The following BCAR3 variants were observed in gnomAD, a reference collection of about 807,000 sequenced individuals.
BCAR3 encodes BCAR3 adaptor protein, NSP family member, also known as breast cancer anti-estrogen resistance protein 3.
Under a neutral mutation model 80.1 loss-of-function variants are expected in BCAR3, and 37 were observed. The observed-to-expected ratio is 0.46, with a 90% CI of 0.36 to 0.61. BCAR3 has a LOEUF of 0.61. Ranked by LOEUF, BCAR3 falls within the 20% of genes least tolerant of loss-of-function variation. The pLI is 0.00. For missense variants in BCAR3, 978 were observed against 1,068.2 expected (o/e 0.92, Z 1.18); for synonymous variants, 389 against 418.9 (o/e 0.93, Z 0.87).
intron 3 of BCAR3, among the ~76,000 whole-genome samples, chr1:93,611,894 G>C (rs1557859863): frequency 6.6e-6 from 1 of 152,120 alleles, no homozygotes; most frequent in African/African-American, 2.4e-5. Flanking sequence ...TGTTATTTTT[G>C]GTATGAGAAA....
At chr1:93,703,557 C>T (rs1157741785) in intron 3 of BCAR3, among the ~76,000 whole-genome samples, 1 of 123,604 alleles carries the variant, frequency 8.1e-6, no homozygotes, top group African/African-American at 2.9e-5. Context: ...AGAGCAAAAC[C>T]CTGTCTCTTA....
intron 3 of BCAR3, among the ~76,000 whole-genome samples, chr1:93,704,397 G>C (rs1277672378): frequency 6.6e-6 from 1 of 152,202 alleles, no homozygotes; most frequent in East Asian, 1.9e-4. Context: ...GATGGCTGTT[G>C]GGTGCTCATT....
At chr1:93,725,242 A>T (rs1177982990) in intron 2 of BCAR3, among the ~76,000 whole-genome samples, 1 of 152,196 alleles carries the variant, frequency 6.6e-6, no homozygotes, top group East Asian at 1.9e-4. Flanking sequence ...GGCACTCAAA[A>T]ATATATACTG....
intron 2 of BCAR3, among the ~76,000 whole-genome samples, chr1:93,656,839 A>C (rs1380330055): frequency 6.6e-6 from 1 of 152,166 alleles, no homozygotes; most frequent in African/African-American, 2.4e-5. Context: ...TCAAAGTGGT[A>C]GGATTACAGA....
Position 93,674,863 on chromosome 1 carries a change from G to A in BCAR3, c.68C>T (p.Ser23Leu), listed in dbSNP as rs1648398605. 5 of 1,585,624 alleles carry A rather than the reference G, an allele frequency of 3.2e-6. No individual in the cohort carries two copies. Among genetic ancestry groups the A allele is most frequent in the Non-Finnish European group, 3.4e-6 (4 of 1,170,756 alleles). ...MPVNHQFPLA[S>L]SMDLLSSRSP... Reference sequence around the variant, plus strand: ...CCTGCTGCTCAGAAGGTCCATGGATGAGGCCAGGGGGAACTGGTGATTCAC... The same window carrying A: ...CCTGCTGCTCAGAAGGTCCATGGATAAGGCCAGGGGGAACTGGTGATTCAC... Residue 23 changes from serine to leucine, a missense_variant, in exon 2 of 12, where the codon TCA becomes TTA. Transcript: ENST00000260502.
intron 2 of BCAR3, among the ~76,000 whole-genome samples, chr1:93,731,337 A>G (rs1428125883): frequency 1.3e-5 from 2 of 152,254 alleles, no homozygotes; most frequent in Non-Finnish European, 2.9e-5. Context: ...TGGGAATATA[A>G]CAGGTTAACA....
Position 93,772,646 on chromosome 1 carries a change from C to A in BCAR3, c.-62-66504G>T, listed in dbSNP as rs1390851801. On this transcript the variant is annotated intron_variant, in intron 2 of 13. Coordinates refer to the BCAR3 transcript ENST00000370244. ...TTGAGATGGAATCTCACTCTGTCCCCAAGGCTGGAGTGCAGTGGCGTGATC... is the reference window on the plus strand; with the variant it reads ...TTGAGATGGAATCTCACTCTGTCCCAAAGGCTGGAGTGCAGTGGCGTGATC... Among the ~76,000 whole-genome samples the A allele has an allele frequency of 2.6e-5, 4 of 152,040 alleles. No individual in the cohort carries two copies. The East Asian group carries it at 7.7e-4, about 29-fold the overall frequency.
chr1:93,846,216 G>C (rs1655170839), intron 1 of BCAR3, among the ~76,000 whole-genome samples: 1 of 152,132 alleles, frequency 6.6e-6, no homozygotes. Context: ...TTTGAACTCT[G>C]CCAGAGACTA....
chr1:93,689,479 C>T (rs12057736), intron 3 of BCAR3, among the ~76,000 whole-genome samples: 45,717 of 150,204 alleles, frequency 0.3, 10,659 homozygotes, highest in African/African-American at 0.67. Context: ...AGCAGTGAGC[C>T]GAGATCGCAC....
intron 2 of BCAR3, among the ~76,000 whole-genome samples, chr1:93,761,879 C>T (rs1212927335): frequency 6.6e-6 from 1 of 152,166 alleles, no homozygotes; most frequent in Admixed American, 6.5e-5. Context: ...TTCCTGTCCC[C>T]TTCCGGTTTT....
At chr1:93,682,125 C>T (rs979017496), upstream of BCAR3, among the ~76,000 whole-genome samples, 1 of 152,234 alleles carries the variant, frequency 6.6e-6, no homozygotes, top group African/African-American at 2.4e-5. Context: ...CCCAACAGAT[C>T]TGCTTTGCTC....
chr1:93,712,727 C>G (rs1486207578), intron 2 of BCAR3, among the ~76,000 whole-genome samples: 1 of 152,194 alleles, frequency 6.6e-6, no homozygotes, highest in Admixed American at 6.5e-5. Flanking sequence ...GGCATAGGAA[C>G]CATTATCACC....
chr1:93,698,151 T>C (rs955825918), intron 3 of BCAR3, among the ~76,000 whole-genome samples: 1 of 152,204 alleles, frequency 6.6e-6, no homozygotes, highest in Non-Finnish European at 1.5e-5. Context: ...TGGCCAGTCC[T>C]GACCACTGAA....
At chr1:93,641,884 T>C (rs1675990115) in intron 3 of BCAR3, among the ~76,000 whole-genome samples, 1 of 152,218 alleles carries the variant, frequency 6.6e-6, no homozygotes. Flanking sequence ...ACTCATTTGG[T>C]GGCAAAATGT....
At chr1:93,797,213 G>C (rs952965240) in intron 2 of BCAR3, among the ~76,000 whole-genome samples, 8 of 152,174 alleles carry the variant, frequency 5.3e-5, no homozygotes, top group African/African-American at 1.9e-4. Context: ...TCGTTAGCCA[G>C]GCAGTTTGAT....
intron 3 of BCAR3, among the ~76,000 whole-genome samples, chr1:93,598,175 A>G (rs1272340333): frequency 6.6e-6 from 1 of 152,152 alleles, no homozygotes; most frequent in Non-Finnish European, 1.5e-5. Context: ...CTCCTGCGTG[A>G]GCATCAGAGC....
upstream of BCAR3, chr1:93,847,875 G>A: frequency 4.8e-6 from 1 of 209,582 alleles, no homozygotes; most frequent in Non-Finnish European, 9.5e-6. Context: ...CGACTGGGCA[G>A]TCGATGTAGG....
At chr1:93,841,953 C>T (rs1654977470) in intron 2 of BCAR3, among the ~76,000 whole-genome samples, 1 of 152,176 alleles carries the variant, frequency 6.6e-6, no homozygotes, top group South Asian at 2.1e-4. Flanking sequence ...CTGGTTTCTA[C>T]CCTGCGCCCT....
At position 93,674,610 on chromosome 1, in the gene BCAR3, T is replaced by C; in HGVS notation, c.317+4A>G. 1 of 1,610,680 alleles carries C rather than the reference T, an allele frequency of 6.2e-7. No homozygotes were observed. Among genetic ancestry groups the C allele is most frequent in the Non-Finnish European group, 8.5e-7 (1 of 1,179,316 alleles). On this transcript the variant is annotated splice_donor_region_variant and intron_variant, in intron 2 of 11. Coordinates refer to ENST00000260502, the MANE Select transcript of BCAR3 (RefSeq NM_003567.4). ...ATCTTCACTAGTGAAATTACAGAAG[T>C]TACCTGAAGGTGAAGGTTTCGCCGT...
Sources: allele counts gnomAD v4.1 joint callset (sites outside exome capture counted in the v4.1 genomes callset), GRCh38; gene constraint gnomAD v4.1.1; transcripts MANE v1.5; gene names NCBI Gene and HGNC (gene_info 2026-07-23, HGNC 2026-07-21).